ERBB4: variants seen among roughly 807,000 people sequenced by gnomAD.
ERBB4 encodes the protein erb-b2 receptor tyrosine kinase 4, also known as receptor tyrosine-protein kinase erbB-4.
A neutral mutation model predicts 158.0 loss-of-function variants in ERBB4; 42 were observed. The observed-to-expected ratio is 0.27, with a 90% CI of 0.21 to 0.34. ERBB4 has a LOEUF of 0.34. Among genes scored for constraint, ERBB4 ranks in the 10% least tolerant of loss-of-function variants. The probability of loss-of-function intolerance (pLI) is 1.00; values close to 1 mark genes in which losing one functional copy is unlikely to be tolerated. For missense variants in ERBB4, 1,333 were observed against 1,624.1 expected, an observed-to-expected ratio of 0.82 and a Z score of 3.08; for synonymous variants, 583 against 558.7, an observed-to-expected ratio of 1.04 and a Z score of -0.61.
At chr2:212,136,419 A>G (rs2080273361) in intron 1 of ERBB4, among the ~76,000 whole-genome samples, 1 of 152,218 alleles carries the variant, frequency 6.6e-6, no homozygotes, top group Non-Finnish European at 1.5e-5. Flanking sequence ...AAATAGCAAG[A>G]GTGAAACATT....
chr2:211,959,982 G>T (rs2081137873), intron 2 of ERBB4, among the ~76,000 whole-genome samples: 2 of 151,946 alleles, frequency 1.3e-5, no homozygotes. Flanking sequence ...ACAGCACCCT[G>T]TGTGTACACA....
chr2:211,539,177 A>T (rs2125679242), intron 20 of ERBB4, among the ~76,000 whole-genome samples: 1 of 152,074 alleles, frequency 6.6e-6, no homozygotes, highest in Admixed American at 6.6e-5. Flanking sequence ...TCAATAAAAC[A>T]TTTGACTTAA....
At chr2:211,477,149 T>C (rs2064974252) in intron 20 of ERBB4, among the ~76,000 whole-genome samples, 1 of 152,066 alleles carries the variant, frequency 6.6e-6, no homozygotes, top group Non-Finnish European at 1.5e-5. Flanking sequence ...AGAACAAAAA[T>C]AGACCACTCT....
At chr2:212,313,809 T>C (rs1209003360) in intron 1 of ERBB4, among the ~76,000 whole-genome samples, 1 of 151,092 alleles carries the variant, frequency 6.6e-6, no homozygotes, top group African/African-American at 2.4e-5. Flanking sequence ...TTGGGTAACA[T>C]CTATTAATTT....
intron 16 of ERBB4, among the ~76,000 whole-genome samples, chr2:211,642,825 G>A (rs1221221353): frequency 2.0e-5 from 3 of 152,016 alleles, no homozygotes; most frequent in African/African-American, 4.8e-5. Context: ...CTCCCTATAT[G>A]TTTTTAAACT....
chr2:212,127,103 C>T (rs2079954798), intron 1 of ERBB4, among the ~76,000 whole-genome samples: 1 of 152,128 alleles, frequency 6.6e-6, no homozygotes. Context: ...ATTCCCATTA[C>T]TTAGAATGTG....
rs1409762283 is a variant in ERBB4, at chr2:211,452,785, T to C, written c.2488-21685A>G. ...AAAGACACCACACTAGTTAGGCACT[T>C]CACTGGGTTTTACCTGAAATATCAG... On this transcript the variant is annotated intron_variant, in intron 20 of 27. Transcript: ENST00000342788. Among the ~76,000 whole-genome samples, 3 of 152,186 alleles carry C rather than the reference T, an allele frequency of 2.0e-5. No homozygotes were observed. In the East Asian group the frequency reaches 5.8e-4, roughly 29 times the overall value.
chr2:212,297,934 A>G (rs1196168314), intron 1 of ERBB4, among the ~76,000 whole-genome samples: 1 of 151,754 alleles, frequency 6.6e-6, no homozygotes, highest in Non-Finnish European at 1.5e-5. Context: ...AGTAAGTTCA[A>G]TATAGTCATA....
chr2:211,401,606 C>A (rs1268533653), intron 25 of ERBB4, among the ~76,000 whole-genome samples: 1 of 152,088 alleles, frequency 6.6e-6, no homozygotes, highest in Non-Finnish European at 1.5e-5. Context: ...TTTGAACTCT[C>A]ATGCCCTGTT....
intron 20 of ERBB4, among the ~76,000 whole-genome samples, chr2:211,481,843 T>C (rs2065090507): frequency 6.6e-6 from 1 of 152,158 alleles, no homozygotes; most frequent in African/African-American, 2.4e-5. Context: ...AACATGTTGA[T>C]TTACTCTCCC....
intron 1 of ERBB4, among the ~76,000 whole-genome samples, chr2:212,133,090 T>A (rs938040228): frequency 6.6e-6 from 1 of 152,102 alleles, no homozygotes; most frequent in African/African-American, 2.4e-5. Flanking sequence ...ATCCTGTAAC[T>A]TAAAATTTTT....
chr2:212,435,224 C>T (rs1302237516), intron 1 of ERBB4, among the ~76,000 whole-genome samples: 2 of 151,980 alleles, frequency 1.3e-5, no homozygotes, highest in South Asian at 2.1e-4. Flanking sequence ...CCATCTCCTA[C>T]CATACTACCT....
chr2:211,424,248 G>C lies in ERBB4; in HGVS notation c.2773C>G (p.Pro925Ala). Residue 925 changes from proline to alanine, a missense_variant, in exon 23 of 28, where the codon CCA becomes GCA. Transcript: ENST00000342788. ...TFGGKPYDGI[P>A]TREIPDLLEK... ...AATAAATCAGGGATTTCTCGCGTTG[G>C]AATTCCATCATAGGGTTTTCCTCCA... The C allele has an allele frequency of 6.2e-7, 1 of 1,613,108 alleles. No homozygotes were observed. Among genetic ancestry groups the C allele is most frequent in the Non-Finnish European group, 8.5e-7 (1 of 1,179,376 alleles).
At chr2:211,790,666 C>T (rs2076259233) in intron 3 of ERBB4, among the ~76,000 whole-genome samples, 1 of 152,010 alleles carries the variant, frequency 6.6e-6, no homozygotes, top group Admixed American at 6.6e-5. Context: ...CATGATCAAT[C>T]CAGATGATAC....
At chr2:211,733,438 C>T (rs2074493611) in intron 5 of ERBB4, among the ~76,000 whole-genome samples, 1 of 151,882 alleles carries the variant, frequency 6.6e-6, no homozygotes, top group East Asian at 1.9e-4. Flanking sequence ...GAGTATGAAT[C>T]TGCGTAAGAA....
At chr2:211,474,227 C>T in intron 20 of ERBB4, among the ~76,000 whole-genome samples, 1 of 151,960 alleles carries the variant, frequency 6.6e-6, no homozygotes, top group East Asian at 1.9e-4. Context: ...TAATCTGTCT[C>T]TGGTCTAGAA....
At chr2:211,479,782 T>C (rs954816989) in intron 20 of ERBB4, among the ~76,000 whole-genome samples, 16 of 152,116 alleles carry the variant, frequency 1.1e-4, no homozygotes, top group Non-Finnish European at 4.4e-5. Context: ...TGGGGCAAAA[T>C]ACTGGGGCAA....
chr2:212,001,160 G>C (rs2076094665), intron 2 of ERBB4, among the ~76,000 whole-genome samples: 1 of 151,980 alleles, frequency 6.6e-6, no homozygotes, highest in Non-Finnish European at 1.5e-5. Flanking sequence ...TACACTACTA[G>C]ACTTAAAGAG....
intron 1 of ERBB4, among the ~76,000 whole-genome samples, chr2:212,294,273 ATTTAT>A (rs2086327916): frequency 6.6e-6 from 1 of 151,912 alleles, no homozygotes; most frequent in South Asian, 2.1e-4. Flanking sequence ...TGGATTGCCT[ATTTAT>A]TTTATTTGAA....
Sources: allele counts gnomAD v4.1 joint callset (sites outside exome capture counted in the v4.1 genomes callset), GRCh38; gene constraint gnomAD v4.1.1; transcripts MANE v1.5; gene names NCBI Gene and HGNC (gene_info 2026-07-23, HGNC 2026-07-21).